Variants in CFAP77 observed in about 807,000 individuals in gnomAD.
CFAP77 encodes cilia and flagella associated protein 77.
In CFAP77, 25 loss-of-function variants were observed where a neutral mutation model predicts 31.1. That is an observed-to-expected ratio of 0.80 (90% CI 0.59 to 1.12). The LOEUF (loss-of-function observed/expected upper bound fraction) is 1.12, where lower values mean the gene tolerates loss of function less well. Ranked by LOEUF, CFAP77 falls within the 50% of genes most tolerant of loss-of-function variation. CFAP77 has a pLI of 0.00. For synonymous variants in CFAP77, 151 were observed against 159.9 expected (o/e 0.94, Z 0.42); for missense variants, 377 against 397.3 (o/e 0.95, Z 0.44).
chr9:132,457,873 G>A (rs942695388), intron 1 of CFAP77, among the ~76,000 whole-genome samples: 1 of 152,198 alleles, frequency 6.6e-6, no homozygotes, highest in Non-Finnish European at 1.5e-5. Flanking sequence ...GATAAAATCA[G>A]CTCCTAAAAC....
chr9:132,478,400 A>T (rs1303893421), intron 1 of CFAP77, among the ~76,000 whole-genome samples: 1 of 152,148 alleles, frequency 6.6e-6, no homozygotes, highest in Non-Finnish European at 1.5e-5. Context: ...TTGTTCTGTC[A>T]GTGCCAGTGG....
intron 3 of CFAP77, among the ~76,000 whole-genome samples, chr9:132,515,880 T>C (rs1391633895): frequency 2.0e-5 from 3 of 152,088 alleles, no homozygotes; most frequent in East Asian, 1.9e-4. Context: ...AGGAAAAAAA[T>C]TGTGTCAAAT....
At chr9:132,537,737 GC>G in intron 4 of CFAP77, 31 bp downstream of exon 4, 1 of 1,543,988 alleles carries the variant, frequency 6.5e-7, no homozygotes, top group Non-Finnish European at 8.9e-7. Context: ...CAAGTTGACA[GC>G]TGATGGGGTG....
chr9:132,466,807 T>G (rs770453247), intron 1 of CFAP77, among the ~76,000 whole-genome samples: 1 of 152,212 alleles, frequency 6.6e-6, no homozygotes, highest in Non-Finnish European at 1.5e-5. Flanking sequence ...CTCTAATTCT[T>G]TGATTCAGAT....
chr9:132,489,017 C>A (rs889978644), intron 1 of CFAP77, among the ~76,000 whole-genome samples: 3 of 152,092 alleles, frequency 2.0e-5, no homozygotes, highest in African/African-American at 4.8e-5. Flanking sequence ...CGGAAAAAGG[C>A]GGTTTGAAGG....
chr9:132,482,050 A>G (rs1851456912), intron 1 of CFAP77, among the ~76,000 whole-genome samples: 1 of 152,058 alleles, frequency 6.6e-6, no homozygotes, highest in Non-Finnish European at 1.5e-5. Context: ...ATGAAAACAT[A>G]AATAGAGTAA....
chr9:132,488,101 C>T (rs1010447178), intron 1 of CFAP77, among the ~76,000 whole-genome samples: 4 of 152,160 alleles, frequency 2.6e-5, no homozygotes, highest in Admixed American at 2.0e-4. Context: ...TGAGTGGAGG[C>T]TTTTCAACTG....
At chr9:132,521,953 G>A (rs886855348) in intron 3 of CFAP77, among the ~76,000 whole-genome samples, 4 of 151,924 alleles carry the variant, frequency 2.6e-5, no homozygotes, top group Non-Finnish European at 4.4e-5. Context: ...GTAGACACAG[G>A]GTTTCACCTT....
At chr9:132,563,093 C>T (rs542932358) in intron 5 of CFAP77, among the ~76,000 whole-genome samples, 4 of 152,054 alleles carry the variant, frequency 2.6e-5, no homozygotes, top group Non-Finnish European at 5.9e-5. Context: ...GATCATGGCT[C>T]ACTGCGGCCT....
chr9:132,493,041 T>C (rs1851676006), intron 1 of CFAP77, among the ~76,000 whole-genome samples: 1 of 151,938 alleles, frequency 6.6e-6, no homozygotes, highest in Admixed American at 6.6e-5. Flanking sequence ...CATGTAGGAG[T>C]CCTCACAAAG....
chr9:132,542,158 C>A (rs1192928583), intron 4 of CFAP77, among the ~76,000 whole-genome samples: 1 of 152,204 alleles, frequency 6.6e-6, no homozygotes, highest in Non-Finnish European at 1.5e-5. Context: ...GGCCTCTGTC[C>A]CCAGTACTCC....
chr9:132,410,638 C>T (rs1242396539), intron 1 of CFAP77, among the ~76,000 whole-genome samples, 172 bp downstream of exon 1: 1 of 152,228 alleles, frequency 6.6e-6, no homozygotes, highest in Non-Finnish European at 1.5e-5. Flanking sequence ...CGCGTCGCCT[C>T]TCTCAGCCTC....
At chr9:132,513,515 C>A in intron 3 of CFAP77, 1 of 809,502 alleles carries the variant, frequency 1.2e-6, no homozygotes, top group Non-Finnish European at 1.9e-6. Context: ...CCCAGTTTTG[C>A]TCTGTCGTTA....
intron 3 of CFAP77, among the ~76,000 whole-genome samples, chr9:132,515,194 AT>A (rs1351920474): frequency 1.3e-5 from 2 of 152,200 alleles, no homozygotes; most frequent in African/African-American, 4.8e-5. Context: ...GGAAGGTGAC[AT>A]CTCTACTTTT....
intron 1 of CFAP77, among the ~76,000 whole-genome samples, chr9:132,483,254 A>G (rs1851480335): frequency 6.6e-6 from 1 of 152,018 alleles, no homozygotes; most frequent in Non-Finnish European, 1.5e-5. Context: ...CTGGGCAACA[A>G]GAGCAAAACT....
At chr9:132,483,453 A>G (rs554732867) in intron 1 of CFAP77, among the ~76,000 whole-genome samples, 1 of 152,144 alleles carries the variant, frequency 6.6e-6, no homozygotes, top group Non-Finnish European at 1.5e-5. Context: ...GGGGACCTGC[A>G]GCAGCCACCC....
intron 1 of CFAP77, among the ~76,000 whole-genome samples, chr9:132,471,116 G>A (rs567548010): frequency 1.3e-5 from 2 of 152,296 alleles, no homozygotes; most frequent in Non-Finnish European, 2.9e-5. Context: ...TGCCTGATGG[G>A]TGAGTTGGCC....
intron 1 of CFAP77, among the ~76,000 whole-genome samples, chr9:132,451,972 T>G (rs12005319): frequency 0.096 from 14,574 of 151,838 alleles, 748 homozygotes; most frequent in African/African-American, 0.14. Flanking sequence ...GCCCGACTAA[T>G]TTTTTATATT....
At chr9:132,488,293 T>G (rs1851596418) in intron 1 of CFAP77, among the ~76,000 whole-genome samples, 1 of 152,320 alleles carries the variant, frequency 6.6e-6, no homozygotes, top group African/African-American at 2.4e-5. Flanking sequence ...ACTTTGGAAG[T>G]GACCACTGGC....
Sources: gnomAD v4.1 joint callset for allele counts (sites outside exome capture counted in the v4.1 genomes callset) on GRCh38, gnomAD v4.1.1 for gene constraint, MANE v1.5 for transcripts, NCBI Gene and HGNC (gene_info 2026-07-23, HGNC 2026-07-21) for gene names.